The following ROBO2 variants were observed in gnomAD, a reference collection of about 807,000 sequenced individuals.
The protein encoded by ROBO2 is roundabout guidance receptor 2.
Under a neutral mutation model 160.8 loss-of-function variants are expected in ROBO2, and 53 were observed. The observed-to-expected ratio is 0.33, with a 90% confidence interval of 0.26 to 0.41. The LOEUF (loss-of-function observed/expected upper bound fraction) is 0.41. Ranked by LOEUF, ROBO2 falls within the 10% of genes least tolerant of loss-of-function variation. The pLI is 1.00. For missense variants in ROBO2, 1,577 were observed against 1,722.4 expected (o/e 0.92, Z 1.49); for synonymous variants, 664 against 611.7 (o/e 1.09, Z -1.26).
At chr3:76,668,280 T>C (rs182133398) in intron 2 of ROBO2, among the ~76,000 whole-genome samples, 2 of 151,574 alleles carry the variant, frequency 1.3e-5, no homozygotes, top group East Asian at 1.9e-4. Flanking sequence ...AAAAAAATTG[T>C]AGAGAGAGAA....
At chr3:76,883,514 G>T (rs1465507766) in intron 2 of ROBO2, among the ~76,000 whole-genome samples, 11 of 152,098 alleles carry the variant, frequency 7.2e-5, no homozygotes, top group Admixed American at 7.2e-4. Flanking sequence ...GTATATTAAT[G>T]ATGTCATTTT....
At chr3:76,168,617 T>C (rs1408620204) in intron 2 of ROBO2, among the ~76,000 whole-genome samples, 1 of 152,174 alleles carries the variant, frequency 6.6e-6, no homozygotes, top group Non-Finnish European at 1.5e-5. Flanking sequence ...AAAATGGACC[T>C]GTATTCCTTT....
At chr3:76,312,821 C>T (rs989617991) in intron 2 of ROBO2, among the ~76,000 whole-genome samples, 15 of 152,228 alleles carry the variant, frequency 9.9e-5, no homozygotes, top group South Asian at 4.1e-4. Flanking sequence ...TCTAGCTACC[C>T]GTGAGAAAGA....
At chr3:77,037,750 A>G (rs1396086965), upstream of ROBO2, among the ~76,000 whole-genome samples, 1 of 152,202 alleles carries the variant, frequency 6.6e-6, no homozygotes, top group East Asian at 1.9e-4. Context: ...AATAGAATCT[A>G]TATTTTGCCT....
chr3:77,061,870 G>A (rs1308712094), intron 1 of ROBO2, among the ~76,000 whole-genome samples: 3 of 152,158 alleles, frequency 2.0e-5, no homozygotes, highest in Non-Finnish European at 4.4e-5. Context: ...CTGAGCTCAA[G>A]ACTTTGAGCA....
At chr3:76,469,963 G>A (rs534888008) in intron 2 of ROBO2, among the ~76,000 whole-genome samples, 1 of 152,282 alleles carries the variant, frequency 6.6e-6, no homozygotes, top group South Asian at 2.1e-4. Context: ...AAAGGAAGAA[G>A]TAAAATATAC....
intron 2 of ROBO2, among the ~76,000 whole-genome samples, chr3:76,263,493 G>C (rs1003313021): frequency 6.6e-6 from 1 of 152,122 alleles, no homozygotes. Flanking sequence ...AAAGTGCTGG[G>C]ATTACAGGTG....
chr3:76,806,214 CGTGTGTGTGTGT>C (rs71104623), intron 2 of ROBO2, among the ~76,000 whole-genome samples: 5 of 146,166 alleles, frequency 3.4e-5, no homozygotes, highest in Admixed American at 1.4e-4. Context: ...TTTCTGTGTG[CGTGTGTGTGTGT>C]GTGTGTGTGT....
intron 2 of ROBO2, among the ~76,000 whole-genome samples, chr3:76,318,915 C>T (rs1471197411): frequency 1.3e-5 from 2 of 152,116 alleles, no homozygotes; most frequent in East Asian, 3.8e-4. Flanking sequence ...CCCAAGTCAA[C>T]TGAAGATTAT....
intron 2 of ROBO2, among the ~76,000 whole-genome samples, chr3:76,970,631 G>A (rs1439146198): frequency 3.9e-5 from 6 of 152,194 alleles, no homozygotes; most frequent in East Asian, 3.9e-4. Context: ...TAAGATACAC[G>A]AGGACTGATG....
At chr3:77,049,787 C>T (rs546622239) in intron 1 of ROBO2, among the ~76,000 whole-genome samples, 2 of 152,258 alleles carry the variant, frequency 1.3e-5, no homozygotes, top group East Asian at 3.9e-4. Context: ...GAATATAACT[C>T]AACTATCCCA....
intron 5 of ROBO2, among the ~76,000 whole-genome samples, chr3:77,520,242 A>G (rs945972740): frequency 1.3e-5 from 2 of 151,486 alleles, no homozygotes; most frequent in East Asian, 3.9e-4. Flanking sequence ...TAAAAATTAA[A>G]CTATTTTCTT....
At position 77,596,501 on chromosome 3, in the gene ROBO2, A is replaced by G. The variant is rs187199897; in HGVS notation, c.2727-122A>G. 5.0e-6 allele frequency: 6 copies of G among 1,210,400 alleles called. No homozygotes were observed. In the African/African-American group the frequency reaches 9.0e-5, roughly 18 times the overall value. 75.0% of individuals were successfully genotyped at this position (1,210,400 alleles called of 1,614,324 possible). A position where few individuals can be genotyped will look rare whatever the true frequency, so the allele number is the denominator to read the frequency against. The stretch of plus-strand genomic sequence containing the variant: ...GGAGTTCTTTAATTCCAGGGAGTCT[A>G]CTTATATTAATTTGAAGTCAATGAA... On this transcript the variant is annotated intron_variant, in intron 18 of 25. Transcript: ENST00000461745.
chr3:77,624,835 G>A (rs1463713447), intron 23 of ROBO2, among the ~76,000 whole-genome samples: 2 of 152,076 alleles, frequency 1.3e-5, no homozygotes, highest in Non-Finnish European at 2.9e-5. Flanking sequence ...GAGGCAGCAT[G>A]GGTTACACAG....
intron 2 of ROBO2, among the ~76,000 whole-genome samples, chr3:76,827,808 A>G (rs903561177): frequency 1.3e-5 from 2 of 152,112 alleles, no homozygotes; most frequent in African/African-American, 2.4e-5. Flanking sequence ...CTTGGAAAAA[A>G]AAAAGTCATT....
intron 2 of ROBO2, among the ~76,000 whole-genome samples, chr3:76,944,894 G>GT (rs2078420307): frequency 1.3e-5 from 2 of 151,154 alleles, no homozygotes; most frequent in Non-Finnish European, 2.9e-5. Context: ...TGCTGTGATG[G>GT]CTTTTTTTTT....
chr3:76,264,485 C>T (rs1398781040), intron 2 of ROBO2, among the ~76,000 whole-genome samples: 11 of 152,070 alleles, frequency 7.2e-5, no homozygotes, highest in Admixed American at 5.9e-4. Flanking sequence ...GTATGTCTCT[C>T]GCTTTCTTAA....
At chr3:76,321,159 G>A (rs948505543) in intron 2 of ROBO2, among the ~76,000 whole-genome samples, 29 of 152,102 alleles carry the variant, frequency 1.9e-4, no homozygotes, top group African/African-American at 6.8e-4. Flanking sequence ...GCTCTAAATA[G>A]AGCAATATAA....
chr3:76,558,473 T>G (rs1360500757), intron 2 of ROBO2, among the ~76,000 whole-genome samples: 1 of 152,146 alleles, frequency 6.6e-6, no homozygotes, highest in Non-Finnish European at 1.5e-5. Flanking sequence ...TAAAGCATGC[T>G]GAACTATTAA....
Sources: gnomAD v4.1 joint callset for allele counts (sites outside exome capture counted in the v4.1 genomes callset) on GRCh38, gnomAD v4.1.1 for gene constraint, MANE v1.5 for transcripts, NCBI Gene and HGNC (gene_info 2026-07-23, HGNC 2026-07-21) for gene names.